Variants in RIMS2 observed in about 807,000 individuals in gnomAD.
The protein encoded by RIMS2 is regulating synaptic membrane exocytosis 2.
In RIMS2, 59 loss-of-function variants were observed where a neutral mutation model predicts 174.4. The ratio of observed to expected loss-of-function variants is 0.34; its 90% CI spans 0.27 to 0.42. The LOEUF is 0.42. RIMS2 is among the 10% of genes least tolerant of loss of function. The pLI, the probability that RIMS2 is intolerant of heterozygous loss-of-function variation, is 1.00. For missense variants in RIMS2, 1,620 were observed against 1,666.3 expected, an observed-to-expected ratio of 0.97 and a Z score of 0.48; for synonymous variants, 606 against 572.5, an observed-to-expected ratio of 1.06 and a Z score of -0.84.
chr8:103,650,708 T>C (rs1416179459), intron 1 of RIMS2, among the ~76,000 whole-genome samples: 1 of 152,250 alleles, frequency 6.6e-6, no homozygotes, highest in Non-Finnish European at 1.5e-5. Context: ...GCAGCTATGC[T>C]GCTCTGTGGG....
chr8:104,186,256 A>C (rs2136159325), intron 19 of RIMS2, among the ~76,000 whole-genome samples: 1 of 151,766 alleles, frequency 6.6e-6, no homozygotes, highest in African/African-American at 2.4e-5. Context: ...ATGGATGACG[A>C]GAAATTACCT....
intron 19 of RIMS2, among the ~76,000 whole-genome samples, chr8:104,216,977 AAGTAACCTATT>A (rs1450836679): frequency 1.3e-5 from 2 of 152,200 alleles, no homozygotes; most frequent in African/African-American, 4.8e-5. Context: ...TGAAGAACTA[AAGTAACCTATT>A]ATCATCATCA....
At chr8:104,056,702 C>G (rs544551502) in intron 19 of RIMS2, among the ~76,000 whole-genome samples, 1 of 151,912 alleles carries the variant, frequency 6.6e-6, no homozygotes, top group East Asian at 1.9e-4. Flanking sequence ...GGAAACATAG[C>G]GATACCTCGT....
At chr8:103,563,145 A>C (rs1237108962) in intron 1 of RIMS2, among the ~76,000 whole-genome samples, 1 of 152,188 alleles carries the variant, frequency 6.6e-6, no homozygotes, top group Admixed American at 6.5e-5. Flanking sequence ...TTGGTGATTA[A>C]CATTCAGCTC....
chr8:103,974,621 C>T (rs139585241), intron 15 of RIMS2, among the ~76,000 whole-genome samples: 51 of 152,326 alleles, frequency 3.3e-4, no homozygotes, highest in African/African-American at 1.2e-3. Flanking sequence ...TAGATAGTAT[C>T]TCTTCTAATA....
At chr8:103,810,975 G>C (rs947932764) in intron 3 of RIMS2, among the ~76,000 whole-genome samples, 7 of 147,310 alleles carry the variant, frequency 4.8e-5, no homozygotes, top group African/African-American at 1.7e-4. Context: ...TAATAGCAAT[G>C]TGCAGTCAAT....
rs75327651 is a variant in RIMS2 at position 103,545,511 on chromosome 8, A to G, written c.176+44449A>G. ...CCTAGAGAGGTGAACATTGACATCC[A>G]GGAAATGTAGAGAATCCCTGTGAGA... is the stretch of plus-strand genomic sequence containing the variant. On this transcript the variant is annotated intron_variant, in intron 1 of 23. Transcript: ENST00000504942. Among the ~76,000 whole-genome samples, 24 of 152,338 alleles carry G rather than the reference A, an allele frequency of 1.6e-4. No individual in the cohort carries two copies. The East Asian group carries it at 4.4e-3, about 28-fold the overall frequency.
chr8:104,141,558 A>G (rs2340768), intron 19 of RIMS2, among the ~76,000 whole-genome samples: 33,232 of 152,178 alleles, frequency 0.22, 3,845 homozygotes, highest in South Asian at 0.34. Flanking sequence ...ATGTTCTCAC[A>G]GTCTTAGGAC....
intron 3 of RIMS2, among the ~76,000 whole-genome samples, chr8:103,871,126 G>C (rs540624723): frequency 6.6e-6 from 1 of 152,280 alleles, no homozygotes; most frequent in East Asian, 1.9e-4. Flanking sequence ...TAATGTAAAA[G>C]GGCCAGGCGC....
intron 2 of RIMS2, among the ~76,000 whole-genome samples, chr8:103,751,896 T>C (rs2097897850): frequency 6.6e-6 from 1 of 152,016 alleles, no homozygotes; most frequent in Non-Finnish European, 1.5e-5. Context: ...ATTTTGTAGG[T>C]TGCCTGTTCA....
intron 1 of RIMS2, among the ~76,000 whole-genome samples, chr8:103,662,442 T>G (rs1178290393): frequency 1.3e-5 from 2 of 152,230 alleles, no homozygotes; most frequent in African/African-American, 2.4e-5. Flanking sequence ...ACACATATTC[T>G]TATACCCAGG....
intron 3 of RIMS2, among the ~76,000 whole-genome samples, chr8:103,851,296 C>T (rs2098996561): frequency 6.6e-6 from 1 of 151,434 alleles, no homozygotes; most frequent in Non-Finnish European, 1.5e-5. Context: ...TACTATATTT[C>T]TATTAAGAAT....
chr8:103,574,700 G>T (rs956682761), intron 1 of RIMS2, among the ~76,000 whole-genome samples: 3 of 152,196 alleles, frequency 2.0e-5, no homozygotes, highest in African/African-American at 7.2e-5. Flanking sequence ...TTGGCTGGTA[G>T]ACATTTTCAT....
chr8:104,064,817 G>GT (rs1006885506), intron 19 of RIMS2, among the ~76,000 whole-genome samples: 2 of 151,874 alleles, frequency 1.3e-5, no homozygotes, highest in Non-Finnish European at 2.9e-5. Context: ...AAGAAATTGG[G>GT]TTGTCCCATT....
chr8:104,176,995 C>G (rs143859710), intron 19 of RIMS2, among the ~76,000 whole-genome samples: 3 of 151,956 alleles, frequency 2.0e-5, no homozygotes, highest in Admixed American at 6.6e-5. Context: ...GGAAGGTCAG[C>G]AGACACGTGT....
chr8:103,787,574 T>G (rs2098455651), intron 3 of RIMS2, among the ~76,000 whole-genome samples: 1 of 152,176 alleles, frequency 6.6e-6, no homozygotes, highest in Non-Finnish European at 1.5e-5. Flanking sequence ...GAAAATTCTT[T>G]TCTTTAAGAA....
intron 1 of RIMS2, among the ~76,000 whole-genome samples, chr8:103,604,926 A>C (rs1224700431): frequency 6.5e-5 from 4 of 61,712 alleles, no homozygotes; most frequent in Admixed American, 1.9e-4. Flanking sequence ...TTCTAGATAT[A>C]CAATCATGTC....
At chr8:104,085,820 G>A (rs1335437695) in intron 19 of RIMS2, among the ~76,000 whole-genome samples, 1 of 152,074 alleles carries the variant, frequency 6.6e-6, no homozygotes, top group Non-Finnish European at 1.5e-5. Flanking sequence ...AGAGGTACAA[G>A]GAGAGCTGGT....
At chr8:103,951,208 A>C (rs1407427871) in intron 14 of RIMS2, among the ~76,000 whole-genome samples, 1 of 152,238 alleles carries the variant, frequency 6.6e-6, no homozygotes, top group Non-Finnish European at 1.5e-5. Flanking sequence ...TAGGCATTGA[A>C]GGAACATACT....
Sources: gnomAD v4.1 joint callset for allele counts (sites outside exome capture counted in the v4.1 genomes callset) on GRCh38, gnomAD v4.1.1 for gene constraint, MANE v1.5 for transcripts, NCBI Gene and HGNC (gene_info 2026-07-23, HGNC 2026-07-21) for gene names.